Variants in CDHR4 observed in about 807,000 individuals in gnomAD.
CDHR4 encodes cadherin-related family member 4.
A neutral mutation model predicts 88.4 loss-of-function variants in CDHR4; 89 were observed. The observed-to-expected ratio is 1.01, with a 90% CI of 0.85 to 1.20. CDHR4 has a LOEUF of 1.20. Ranked by LOEUF, CDHR4 falls within the 50% of genes most tolerant of loss-of-function variation. The pLI is 0.00. For missense variants in CDHR4, 914 were observed against 1,007.2 expected (o/e 0.91, Z 1.25); for synonymous variants, 368 against 399.2 (o/e 0.92, Z 0.93).
Position 49,792,840 on chromosome 3 carries a change from A to C in CDHR4, c.1995+14T>G. 1 of 1,522,696 alleles carries C rather than the reference A, an allele frequency of 6.6e-7. No homozygotes were observed. The highest frequency in any genetic ancestry group is 8.9e-7 in the Non-Finnish European group (1 of 1,129,212). 94.3% of individuals were successfully genotyped at this position (1,522,696 alleles called of 1,614,324 possible). On this transcript the variant is annotated intron_variant, in intron 14 of 18. Coordinates refer to ENST00000412678, the MANE Select transcript of CDHR4 (RefSeq NM_001007540.4). ...CCCTTCCCACCCTGCTGAGGGCCCA[A>C]GGAGCCTCCTCACTGTGGTTCTGTG...
Position 49,795,436 on chromosome 3 carries a change from C to T in CDHR4, c.848-57G>A, listed in dbSNP as rs1287691957. The T allele has an allele frequency of 1.4e-5, 22 of 1,529,560 alleles. No homozygotes were observed. Among genetic ancestry groups the T allele is most frequent in the Admixed American group, 4.0e-5 (2 of 50,518 alleles). 94.7% of individuals were successfully genotyped at this position (1,529,560 alleles called of 1,614,324 possible). ...GGTCAGGGAACACAGAGATCAGCCC[C>T]GCCTCCCAGCTCAGTCCCACTCCTG... On this transcript the variant is annotated intron_variant, in intron 7 of 18. Coordinates refer to ENST00000412678, the MANE Select transcript of CDHR4 (RefSeq NM_001007540.4). This position sits in a 1 kb window ranked among gnomAD's most constrained non-coding sequence, Gnocchi z 5.4.
In CDHR4 at chr3:49,796,942, G is replaced by A; in HGVS notation, c.586C>T (p.Leu196Phe). ...CTCACCTTTTGAGCCTGGCCTAGGA[G>A]GCCCTGGGATGGTGCCTGCAGCCAA... ...QGWLQAPSQG[L>F]LGQAQKVFQL... The change falls in exon 5 of 19, where the codon CTC (leucine) becomes TTC (phenylalanine). Residue 196 changes from leucine to phenylalanine, a missense_variant. By Grantham distance (22) the Leu-to-Phe change is conservative (BLOSUM62 0). Transcript: ENST00000412678. The A allele has an allele frequency of 1.3e-6, 2 of 1,551,660 alleles. No individual in the cohort carries two copies. The highest frequency in any genetic ancestry group is 1.2e-5 in the South Asian group (1 of 84,060).
chr3:49,800,786 G>A (rs1322831307), upstream of CDHR4, among the ~76,000 whole-genome samples: 1 of 151,030 alleles, frequency 6.6e-6, no homozygotes, highest in African/African-American at 2.4e-5. Context: ...GGCCAGGCAC[G>A]GTGGCTTATG....
intron 15 of CDHR4, among the ~76,000 whole-genome samples, chr3:49,792,173 G>T (rs1348158316): frequency 2.6e-5 from 4 of 152,210 alleles, no homozygotes; most frequent in African/African-American, 9.7e-5. Flanking sequence ...GAGGGCAGAA[G>T]TCAGGAATAG....
At chr3:49,796,485 C>T (rs1037181767) in intron 5 of CDHR4, among the ~76,000 whole-genome samples, 10 of 152,010 alleles carry the variant, frequency 6.6e-5, no homozygotes, top group African/African-American at 2.4e-4. Context: ...TACAGGCATG[C>T]GCCACCATGC....
intron 15 of CDHR4, 146 bp from the exon 16 acceptor site, chr3:49,792,105 T>A: frequency 1.2e-6 from 1 of 866,634 alleles, no homozygotes; most frequent in Non-Finnish European, 1.8e-6. Flanking sequence ...TTCCCTGGGC[T>A]CAGTCCTATG....
rs1386364155 is a variant in CDHR4, at chr3:49,795,099, A to G, written c.1033T>C (p.Ser345Pro). The change falls in exon 9 of 19, where the codon TCC becomes CCC. Residue 345 changes from serine (S) to proline (P), a missense_variant and splice_region_variant. Ser to Pro is a moderately conservative substitution (Grantham distance 74). Coordinates refer to ENST00000412678, the MANE Select transcript of CDHR4 (RefSeq NM_001007540.4). The surrounding 1 kb of genome is among the most constrained non-coding windows in gnomAD (Gnocchi z 5.4). ...ACGGGTGCAGTCTCCGGGATTTGGG[A>G]CCTGAGAGTATGCAGTGGCAGCAAG... is the stretch of plus-strand genomic sequence containing the variant. ...PPRCLPALLV[S>P]QIPETAPVGT... 1 of 1,551,470 alleles carries G rather than the reference A, an allele frequency of 6.4e-7. No individual in the cohort carries two copies. The highest frequency in any genetic ancestry group is 8.7e-7 in the Non-Finnish European group (1 of 1,146,976).
chr3:49,792,601 T>C lies in CDHR4; in HGVS notation c.2005A>G (p.Thr669Ala), dbSNP rs1333792224. 2.6e-6 allele frequency: 4 copies of C among 1,551,524 alleles called. No individual in the cohort carries two copies. The Admixed American group carries it at 5.9e-5, about 23-fold the overall frequency. Residue 669 changes from threonine to alanine, a missense_variant, in exon 15 of 19, where the codon ACG becomes GCG. Physicochemically the swap from Thr to Ala is moderately conservative, Grantham distance 58. Transcript: ENST00000412678. ...TSTHRTTVPS[T>A]MTPMLVTDTE... Reference sequence around the variant, plus strand: ...TCTGTCACGAGCATGGGTGTCATCGTTGAGGGCACCTGAAAAGGAGGCCAC... The same window carrying C: ...TCTGTCACGAGCATGGGTGTCATCGCTGAGGGCACCTGAAAAGGAGGCCAC...
chr3:49,798,582 C>A lies in CDHR4; in HGVS notation c.495+244G>T. 7 of 510,162 alleles carry A rather than the reference C, an allele frequency of 1.4e-5. 1 individual carries two copies. The highest frequency in any genetic ancestry group is 2.4e-5 in the Non-Finnish European group (7 of 295,946). The allele number at this position is 510,162 out of a possible 1,614,324, so 31.6% of individuals were successfully genotyped here. On this transcript the variant is annotated intron_variant, in intron 4 of 18. Transcript: ENST00000412678. ...CAGCCTGGACGACAGAGCAAGACTC[C>A]GTCTCAAAAAAAAAAAAAAAAAAGA...
chr3:49,795,477 C>G lies in CDHR4; in HGVS notation c.848-98G>C. Reference sequence around the variant, plus strand: ...CCCACTCCTGCCAGCCCACCAGATCCATAGGCAAAGGAGGCCGCTGAGCCT... The same window carrying G: ...CCCACTCCTGCCAGCCCACCAGATCGATAGGCAAAGGAGGCCGCTGAGCCT... On this transcript the variant is annotated intron_variant, in intron 7 of 18. Transcript: ENST00000412678. The surrounding 1 kb of genome is among the most constrained non-coding windows in gnomAD (Gnocchi z 5.4). The G allele has an allele frequency of 6.7e-7, 1 of 1,498,498 alleles. No individual in the cohort carries two copies. Among genetic ancestry groups the G allele is most frequent in the Non-Finnish European group, 9.0e-7 (1 of 1,117,316 alleles). 92.8% of individuals were successfully genotyped at this position (1,498,498 alleles called of 1,614,324 possible). A position where few individuals can be genotyped will look rare whatever the true frequency, so the allele number is the denominator to read the frequency against.
upstream of CDHR4, among the ~76,000 whole-genome samples, chr3:49,800,303 ATC>A (rs2081343554): frequency 6.6e-6 from 1 of 152,074 alleles, no homozygotes; most frequent in Non-Finnish European, 1.5e-5. Context: ...AGGTGGGAGG[ATC>A]ACTTGAGCTC....
Position 49,796,038 on chromosome 3 carries a change from C to CT in CDHR4, c.614dup (p.Leu206AlafsTer42). The CT allele has an allele frequency of 6.6e-7, 1 of 1,523,626 alleles. No individual in the cohort carries two copies. Among genetic ancestry groups the CT allele is most frequent in the Non-Finnish European group, 8.8e-7 (1 of 1,135,818 alleles). The allele number at this position is 1,523,626 out of a possible 1,614,324, so 94.4% of individuals were successfully genotyped here. On this transcript the variant is annotated frameshift_variant, in exon 6 of 19. Transcript: ENST00000412678. LOFTEE classifies it high-confidence loss of function. ...GTCCAAAGGACACTGAGATTTGCAG[C>CT]TGGAAGACCTGTGGTGCACCCAGAA...
At chr3:49,792,325 G>A (rs1271088545) in intron 15 of CDHR4, 143 bp downstream of exon 15, 4 of 1,050,624 alleles carry the variant, frequency 3.8e-6, no homozygotes, top group Non-Finnish European at 4.1e-6. Flanking sequence ...AAGACCTCTG[G>A]AGGGAGAGTA....
chr3:49,799,620 G>C, intron 1 of CDHR4, 144 bp downstream of exon 1: 1 of 1,055,124 alleles, frequency 9.5e-7, no homozygotes, highest in Non-Finnish European at 1.4e-6. Flanking sequence ...TGAGGAAGTG[G>C]CCAAGAGAAG....
In CDHR4 at chr3:49,793,433, C is replaced by G. The variant is rs1199676500; in HGVS notation, c.1624-122G>C. 14 of 1,450,610 alleles carry G rather than the reference C, an allele frequency of 9.7e-6. No individual in the cohort carries two copies. The East Asian group carries it at 3.5e-4, about 36-fold the overall frequency. The allele number at this position is 1,450,610 out of a possible 1,614,324, so 89.9% of individuals were successfully genotyped here. ...ATCAAGTGATGAAGTCATCACACAA[C>G]AGGCTCCAGAGCTTTCAATTAGGCC... On this transcript the variant is annotated intron_variant, in intron 12 of 18. Coordinates refer to ENST00000412678, the MANE Select transcript of CDHR4 (RefSeq NM_001007540.4).
rs1277489833 is a variant in CDHR4 at position 49,793,903 on chromosome 3, T to C, written c.1383A>G (p.Leu461=). ...TATCCGTGCCCACCACGGAGCCCAGTAGAGTGTGGGGCGCCGCATCCTCCT... is the reference window on the plus strand; with the variant it reads ...TATCCGTGCCCACCACGGAGCCCAGCAGAGTGTGGGGCGCCGCATCCTCCT... ...RVQEDAAPHT[L]LGSVVGTDMD... The change falls in exon 11 of 19, where the codon CTA becomes CTG. Residue 461 remains leucine (L), a synonymous_variant. Coordinates refer to ENST00000412678, the MANE Select transcript of CDHR4 (RefSeq NM_001007540.4). 6.4e-7 allele frequency: 1 copy of C among 1,551,674 alleles called. No individual in the cohort carries two copies. The highest frequency in any genetic ancestry group is 2.0e-5 in the Admixed American group (1 of 51,002).
At chr3:49,798,315 G>C (rs193240709) in intron 4 of CDHR4, 1 of 154,404 alleles carries the variant, frequency 6.5e-6, no homozygotes, top group Non-Finnish European at 1.4e-5. Context: ...GGCTGGGAGC[G>C]GTGGCTCATG....
Position 49,795,306 on chromosome 3 carries a change from C to T in CDHR4, c.921G>A (p.Gln307=), listed in dbSNP as rs1007859770. 9.0e-6 allele frequency: 14 copies of T among 1,551,548 alleles called. No homozygotes were observed. In the Admixed American group the frequency reaches 1.8e-4, roughly 20 times the overall value. Residue 307 remains glutamine (Q), a synonymous_variant, in exon 8 of 19, where the codon CAG becomes CAA. Transcript: ENST00000412678. The surrounding 1 kb of genome is among the most constrained non-coding windows in gnomAD (Gnocchi z 5.4). ...RTSGTAVSRL[Q]VKAFEQGQLW... The stretch of plus-strand genomic sequence containing the variant: ...GCTGGCCCTGCTCAAAGGCCTTCAC[C>T]TGCAGCCTGGAGACCGCGGTGCCTG...
At chr3:49,798,760 G>T (rs766821136) in intron 4 of CDHR4, 66 bp downstream of exon 4, 6 of 1,497,634 alleles carry the variant, frequency 4.0e-6, no homozygotes, top group East Asian at 2.3e-5. Context: ...CCAGGTGGGG[G>T]TTAATTTATT....
Sources: gnomAD v4.1 joint callset for allele counts (sites outside exome capture counted in the v4.1 genomes callset) on GRCh38, gnomAD v4.1.1 for gene constraint, Gnocchi (gnomAD v3.1) non-coding constraint, MANE v1.5 for transcripts, NCBI Gene and HGNC (gene_info 2026-07-23, HGNC 2026-07-21) for gene names.